SLC8A3: variants seen among roughly 807,000 people sequenced by gnomAD.
SLC8A3 encodes solute carrier family 8 member A3.
SLC8A3 carries 37 observed loss-of-function variants against 65.4 expected under a neutral mutation model. The observed-to-expected ratio is 0.57, with a 90% CI of 0.44 to 0.74. SLC8A3 has a LOEUF of 0.74. SLC8A3 is among the 30% of genes least tolerant of loss of function. The pLI, the probability that SLC8A3 is intolerant of heterozygous loss-of-function variation, is 0.00. For missense variants in SLC8A3, 1,112 were observed against 1,172.1 expected (o/e 0.95, Z 0.75); for synonymous variants, 461 against 444.5 (o/e 1.04, Z -0.47).
intron 2 of SLC8A3, among the ~76,000 whole-genome samples, chr14:70,160,965 T>C (rs56083999): frequency 0.2 from 30,083 of 150,114 alleles, 3,216 homozygotes; most frequent in Middle Eastern, 0.26. Flanking sequence ...CATAGCATGG[T>C]CGGGCACGGT....
chr14:70,061,497 T>C (rs1888796213), intron 2 of SLC8A3, among the ~76,000 whole-genome samples: 1 of 150,094 alleles, frequency 6.7e-6, no homozygotes, highest in Admixed American at 6.6e-5. Flanking sequence ...AAAAGAAAAG[T>C]ATTTATGAGG....
rs78131306 is a variant in SLC8A3, at chr14:70,119,191, T to C, written c.1784+47448A>G. 1.5e-3 allele frequency among the ~76,000 whole-genome samples: 220 copies of C among 151,128 alleles called. 1 individual carries two copies. The highest frequency in any genetic ancestry group is 8.8e-3 in the South Asian group (42 of 4,764). On this transcript the variant is annotated intron_variant, in intron 2 of 6. Transcript: ENST00000356921. ...CATTTGGGGCAAAGAAGCACTCTTT[T>C]CCCCCCACCCTGGTGGCAAAAGTAC...
rs186693570 is a variant in SLC8A3 at position 70,081,120 on chromosome 14, C to T, written c.1785-20181G>A. ...AGAACCAAACAAAGCGGATACAAGC[C>T]GAGACACTCAAGTTGAAGTGGAGAA... On this transcript the variant is annotated intron_variant, in intron 2 of 6. Transcript: ENST00000356921. Among the ~76,000 whole-genome samples the T allele has an allele frequency of 1.9e-3, 285 of 152,232 alleles. 2 individuals carry two copies. The highest frequency in any genetic ancestry group is 5.2e-3 in the South Asian group (25 of 4,820).
At chr14:70,150,566 A>G (rs561758700) in intron 2 of SLC8A3, among the ~76,000 whole-genome samples, 81 of 152,208 alleles carry the variant, frequency 5.3e-4, no homozygotes, top group African/African-American at 1.8e-3. Context: ...CATGAACTCA[A>G]TGCCTCCTAC....
At position 70,168,431 on chromosome 14, in the gene SLC8A3, C is replaced by T. The variant is rs1897312667; in HGVS notation, c.-9G>A. 12 of 1,605,890 alleles carry T rather than the reference C, an allele frequency of 7.5e-6. No homozygotes were observed. Among genetic ancestry groups the T allele is most frequent in the Non-Finnish European group, 1.0e-5 (12 of 1,175,082 alleles). On this transcript the variant is annotated 5_prime_UTR_variant, in exon 2 of 7. Transcript: ENST00000356921. ...AACCTTAACCACGCCATACACGAGA[C>T]TTAGCCACTGGCTTCTATTGCAGCA...
chr14:70,118,420 C>T (rs559105911), intron 2 of SLC8A3, among the ~76,000 whole-genome samples: 2 of 152,340 alleles, frequency 1.3e-5, no homozygotes, highest in South Asian at 4.1e-4. Flanking sequence ...AATAAGCTCT[C>T]AGGTCTTCTG....
intron 2 of SLC8A3, among the ~76,000 whole-genome samples, chr14:70,135,180 C>T (rs1251905795): frequency 1.3e-5 from 2 of 152,118 alleles, no homozygotes; most frequent in Non-Finnish European, 2.9e-5. Flanking sequence ...CAAATCAAAA[C>T]TACAGTGATA....
chr14:70,116,834 C>T (rs536167442), intron 2 of SLC8A3, among the ~76,000 whole-genome samples: 9 of 152,236 alleles, frequency 5.9e-5, no homozygotes, highest in East Asian at 1.9e-4. Flanking sequence ...TTGGATTCTC[C>T]GCATGGAATT....
intron 2 of SLC8A3, among the ~76,000 whole-genome samples, chr14:70,066,802 C>A (rs1304058981): frequency 2.6e-5 from 4 of 152,162 alleles, no homozygotes; most frequent in African/African-American, 9.7e-5. Context: ...CAGAGTGAGA[C>A]TCCTTCTCAA....
chr14:70,080,221 T>C, intron 2 of SLC8A3: 1 of 985,450 alleles, frequency 1.0e-6, no homozygotes, highest in Non-Finnish European at 1.2e-6. Context: ...TATATTTAGA[T>C]GCCTTAGCGC....
intron 1 of SLC8A3, among the ~76,000 whole-genome samples, chr14:70,174,173 C>T (rs957561255): frequency 1.3e-5 from 2 of 152,222 alleles, no homozygotes; most frequent in African/African-American, 4.8e-5. Flanking sequence ...GGTTTGAGCG[C>T]CCCTTCGAGC....
intron 2 of SLC8A3, among the ~76,000 whole-genome samples, chr14:70,087,085 G>A (rs1891494571): frequency 6.6e-6 from 1 of 152,200 alleles, no homozygotes; most frequent in Admixed American, 6.5e-5. Context: ...TCCAAGAAAA[G>A]AAATATTCTC....
Position 70,167,973 on chromosome 14 carries a change from G to T in SLC8A3, c.450C>A (p.Leu150=), listed in dbSNP as rs781255529. 1.2e-6 allele frequency: 2 copies of T among 1,614,136 alleles called. No homozygotes were observed. The highest frequency in any genetic ancestry group is 1.7e-6 in the Non-Finnish European group (2 of 1,180,010). Residue 150 remains leucine, a synonymous_variant, in exon 2 of 7, where the codon CTC becomes CTA. Coordinates refer to ENST00000356921, the MANE Select transcript of SLC8A3 (RefSeq NM_182932.3). ...CATGACCACACACCTCAATTAAAGA[G>T]AGGAGTATCTCAGGAGCAGAGGAAC... ...ALGSSAPEIL[L]SLIEVCGHGF...
At chr14:70,078,598 C>G (rs1367124544) in intron 2 of SLC8A3, among the ~76,000 whole-genome samples, 1 of 152,208 alleles carries the variant, frequency 6.6e-6, no homozygotes, top group East Asian at 1.9e-4. Context: ...CCACTGATGG[C>G]TGGCTGACTT....
intron 2 of SLC8A3, among the ~76,000 whole-genome samples, chr14:70,086,830 A>G (rs1383751823): frequency 6.6e-6 from 1 of 152,190 alleles, no homozygotes; most frequent in Non-Finnish European, 1.5e-5. Context: ...CCTCTGCCTA[A>G]GACCAGACAT....
chr14:70,046,113 A>G lies in SLC8A3; in HGVS notation c.2600T>C (p.Phe867Ser). The change falls in exon 7 of 7, where the codon TTT becomes TCT. Residue 867 changes from phenylalanine to serine, a missense_variant. Coordinates refer to ENST00000356921, the MANE Select transcript of SLC8A3 (RefSeq NM_182932.3). The surrounding 1 kb of genome is among the most constrained non-coding windows in gnomAD (Gnocchi z 4.2). ...FSVTLFTIFA[F>S]VCISVLLYRR... The stretch of plus-strand genomic sequence containing the variant: ...GTACAAGAGCACGCTGATGCAGACA[A>G]ATGCAAAGATGGTGAAGAGGGTGAC... 6.2e-7 allele frequency: 1 copy of G among 1,614,180 alleles called. No homozygotes were observed. Among genetic ancestry groups the G allele is most frequent in the South Asian group, 1.1e-5 (1 of 91,080 alleles).
At position 70,048,987 on chromosome 14, in the gene SLC8A3, G is replaced by A. The variant is rs200437993; in HGVS notation, c.2169C>T (p.Asp723=). The A allele has an allele frequency of 1.9e-6, 3 of 1,614,200 alleles. No individual in the cohort carries two copies. The highest frequency in any genetic ancestry group is 2.2e-5 in the East Asian group (1 of 44,892). Residue 723 remains aspartate, a synonymous_variant, in exon 6 of 7, where the codon GAC becomes GAT. Transcript: ENST00000356921. The part of the protein sequence containing the change: ...SGEERLPSCF[D]YVMHFLTVFW... ...AGACAGTCAGGAAGTGCATGACGTA[G>A]TCAAAGCAGGAGGGCAGCCTCTCCT...
At chr14:70,170,437 A>G (rs965875051) in intron 1 of SLC8A3, among the ~76,000 whole-genome samples, 1 of 152,228 alleles carries the variant, frequency 6.6e-6, no homozygotes, top group Non-Finnish European at 1.5e-5. Context: ...TCCAATAAAC[A>G]GTGAATGACA....
intron 2 of SLC8A3, among the ~76,000 whole-genome samples, chr14:70,151,264 A>C (rs920434197): frequency 6.6e-6 from 1 of 150,724 alleles, no homozygotes. Flanking sequence ...AAAAAAAGAA[A>C]AAAAAAAAAA....
Sources: allele counts gnomAD v4.1 joint callset (sites outside exome capture counted in the v4.1 genomes callset), GRCh38; gene constraint gnomAD v4.1.1; non-coding constraint Gnocchi (gnomAD v3.1); transcripts MANE v1.5; gene names NCBI Gene and HGNC (gene_info 2026-07-23, HGNC 2026-07-21).